Variants in ROBO2 observed in about 807,000 individuals in gnomAD.
ROBO2 encodes the protein roundabout homolog 2.
In ROBO2, 53 loss-of-function variants were observed where a neutral mutation model predicts 160.8. That is an observed-to-expected ratio of 0.33 (90% CI 0.26 to 0.41). ROBO2 has a LOEUF of 0.41. Among genes scored for constraint, ROBO2 ranks in the 10% least tolerant of loss-of-function variants. ROBO2 has a pLI of 1.00. For missense variants in ROBO2, 1,577 were observed against 1,722.4 expected, an observed-to-expected ratio of 0.92 and a Z score of 1.49; for synonymous variants, 664 against 611.7, an observed-to-expected ratio of 1.09 and a Z score of -1.26.
intron 2 of ROBO2, among the ~76,000 whole-genome samples, chr3:76,475,295 A>G (rs2078875875): frequency 6.6e-6 from 1 of 152,052 alleles, no homozygotes; most frequent in African/African-American, 2.4e-5. Flanking sequence ...ACATGCTTGG[A>G]CTGTTCAGGG....
At chr3:76,738,923 A>G (rs998200259) in intron 2 of ROBO2, among the ~76,000 whole-genome samples, 2 of 152,110 alleles carry the variant, frequency 1.3e-5, no homozygotes, top group Non-Finnish European at 2.9e-5. Context: ...TTGGTGTGGA[A>G]TAGGGAGAAT....
At chr3:77,258,553 G>C (rs1001395558) in intron 2 of ROBO2, among the ~76,000 whole-genome samples, 2 of 151,148 alleles carry the variant, frequency 1.3e-5, no homozygotes, top group East Asian at 3.9e-4. Flanking sequence ...AACCCGGGAG[G>C]TTAAGACTTC....
chr3:76,299,132 C>T (rs1222859103), intron 2 of ROBO2, among the ~76,000 whole-genome samples: 5 of 151,986 alleles, frequency 3.3e-5, no homozygotes, highest in African/African-American at 4.8e-5. Flanking sequence ...ACATTGTATT[C>T]GGAGAGAGAT....
intron 2 of ROBO2, among the ~76,000 whole-genome samples, chr3:77,105,668 C>T (rs897153473): frequency 2.6e-5 from 4 of 152,200 alleles, no homozygotes; most frequent in Middle Eastern, 3.4e-3. Flanking sequence ...TATTTTGATA[C>T]GAGGTTTATT....
At chr3:77,622,752 A>T (rs1209750441) in intron 23 of ROBO2, among the ~76,000 whole-genome samples, 2 of 152,146 alleles carry the variant, frequency 1.3e-5, no homozygotes, top group Non-Finnish European at 2.9e-5. Context: ...TTTAGAAATG[A>T]TCTTTTTTAT....
intron 2 of ROBO2, among the ~76,000 whole-genome samples, chr3:77,107,598 A>G (rs966582344): frequency 6.6e-6 from 1 of 152,222 alleles, no homozygotes; most frequent in African/African-American, 2.4e-5. Flanking sequence ...TAATCAAGAG[A>G]TGATTTAATA....
chr3:76,719,281 C>T (rs2093428971), intron 2 of ROBO2, among the ~76,000 whole-genome samples: 1 of 152,154 alleles, frequency 6.6e-6, no homozygotes, highest in African/African-American at 2.4e-5. Flanking sequence ...TAGATTCAGT[C>T]CCTTTTTCAA....
intron 2 of ROBO2, among the ~76,000 whole-genome samples, chr3:76,534,345 G>T (rs2082382215): frequency 6.6e-6 from 1 of 152,092 alleles, no homozygotes; most frequent in South Asian, 2.1e-4. Flanking sequence ...CTTTAATGTA[G>T]GTGGCGATGA....
intron 2 of ROBO2, among the ~76,000 whole-genome samples, chr3:75,979,058 C>T (rs1015216919): frequency 5.3e-5 from 8 of 151,556 alleles, no homozygotes; most frequent in Admixed American, 2.0e-4. Flanking sequence ...AGCTGAAAAC[C>T]GATGCATATG....
chr3:76,244,422 G>A (rs1705491005), intron 2 of ROBO2, among the ~76,000 whole-genome samples: 1 of 152,204 alleles, frequency 6.6e-6, no homozygotes, highest in East Asian at 1.9e-4. Flanking sequence ...CAGGAGGTTT[G>A]AACTGAATTA....
chr3:76,214,520 G>A (rs780843291), intron 2 of ROBO2, among the ~76,000 whole-genome samples: 14 of 152,152 alleles, frequency 9.2e-5, no homozygotes, highest in Non-Finnish European at 1.5e-4. Context: ...ATTATATCCC[G>A]CACCTGGCTT....
intron 5 of ROBO2, 78 bp downstream of exon 5, chr3:77,493,460 C>A: frequency 7.0e-7 from 1 of 1,434,868 alleles, no homozygotes; most frequent in Non-Finnish European, 9.8e-7. Flanking sequence ...TACAATGCCA[C>A]CACCAAACAC....
rs139306345 is a variant in ROBO2 at position 76,682,154 on chromosome 3, A to T, written c.110-415860A>T. 2.6e-3 allele frequency among the ~76,000 whole-genome samples: 392 copies of T among 152,188 alleles called. 1 individual carries two copies. Among genetic ancestry groups the T allele is most frequent in the African/African-American group, 8.9e-3 (371 of 41,538 alleles). On this transcript the variant is annotated intron_variant, in intron 2 of 26. Coordinates refer to the ROBO2 transcript ENST00000487694. Reference sequence around the variant, plus strand: ...AGTTGCAGATGAATTTGAACCAGGGATGGCAGGGGGTGGACGTAGAGAAGG... The same window carrying T: ...AGTTGCAGATGAATTTGAACCAGGGTTGGCAGGGGGTGGACGTAGAGAAGG...
chr3:77,539,514 T>C (rs944396491), intron 6 of ROBO2, among the ~76,000 whole-genome samples: 1 of 152,124 alleles, frequency 6.6e-6, no homozygotes, highest in Non-Finnish European at 1.5e-5. Flanking sequence ...CTGGTGGGTA[T>C]GTGTATAGGT....
At chr3:77,226,915 A>T (rs959460540) in intron 2 of ROBO2, among the ~76,000 whole-genome samples, 1 of 152,196 alleles carries the variant, frequency 6.6e-6, no homozygotes, top group Non-Finnish European at 1.5e-5. Context: ...TCAAAAAATC[A>T]TAAGTCGGTG....
intron 2 of ROBO2, among the ~76,000 whole-genome samples, chr3:76,038,228 A>G (rs896105580): frequency 5.3e-5 from 8 of 152,068 alleles, no homozygotes; most frequent in African/African-American, 1.9e-4. Context: ...TGGTACAGAT[A>G]TAAATTTGGG....
intron 2 of ROBO2, among the ~76,000 whole-genome samples, chr3:77,186,934 C>T (rs2081337314): frequency 6.6e-6 from 1 of 151,944 alleles, no homozygotes; most frequent in Admixed American, 6.6e-5. Flanking sequence ...TCAATGTCAG[C>T]TGATTATAAC....
chr3:76,797,056 C>CA (rs1354297108), intron 2 of ROBO2, among the ~76,000 whole-genome samples: 1 of 151,918 alleles, frequency 6.6e-6, no homozygotes, highest in Admixed American at 6.6e-5. Flanking sequence ...ACAAATTCAA[C>CA]AAAAAAACAT....
intron 2 of ROBO2, among the ~76,000 whole-genome samples, chr3:76,486,741 A>C (rs1246350768): frequency 1.3e-5 from 2 of 152,166 alleles, no homozygotes; most frequent in Non-Finnish European, 2.9e-5. Flanking sequence ...AATGATAGCT[A>C]ATACTTTTTC....
Sources: allele counts gnomAD v4.1 joint callset (sites outside exome capture counted in the v4.1 genomes callset), GRCh38; gene constraint gnomAD v4.1.1; transcripts MANE v1.5; gene names NCBI Gene and HGNC (gene_info 2026-07-23, HGNC 2026-07-21).